The following SLC39A10 variants were observed in gnomAD, a reference collection of about 807,000 sequenced individuals.
The protein encoded by SLC39A10 is zinc transporter ZIP10.
In SLC39A10, 13 loss-of-function variants were observed where a neutral mutation model predicts 65.1. That is an observed-to-expected ratio of 0.20 (90% CI 0.13 to 0.32). The LOEUF is 0.32. Ranked by LOEUF, SLC39A10 falls within the 10% of genes least tolerant of loss-of-function variation. The pLI, the probability that SLC39A10 is intolerant of heterozygous loss-of-function variation, is 1.00. For missense variants in SLC39A10, 831 were observed against 1,018.4 expected (o/e 0.82, Z 2.50); for synonymous variants, 321 against 342.2 (o/e 0.94, Z 0.68).
intron 2 of SLC39A10, among the ~76,000 whole-genome samples, chr2:195,644,502 C>A (rs181342672): frequency 6.6e-6 from 1 of 151,812 alleles, no homozygotes; most frequent in East Asian, 1.9e-4. Context: ...CCACCACACC[C>A]GGCTAATTTT....
At position 195,713,483 on chromosome 2, in the gene SLC39A10, A is replaced by G. The variant is rs1187622944; in HGVS notation, c.1626A>G (p.Gly542=). The change falls in exon 6 of 10, where the codon GGA becomes GGG. Residue 542 remains glycine, a synonymous_variant. Transcript: ENST00000359634. ...MKQNTEESTI[G]RKLSDHKLNN... Reference sequence around the variant, plus strand: ...AGAACACAGAAGAATCAACTATTGGAAGAAAGCTTTCAGATCACAAGTTAA... The same window carrying G: ...AGAACACAGAAGAATCAACTATTGGGAGAAAGCTTTCAGATCACAAGTTAA... The G allele has an allele frequency of 1.9e-6, 3 of 1,584,518 alleles. No homozygotes were observed. Among genetic ancestry groups the G allele is most frequent in the Non-Finnish European group, 2.6e-6 (3 of 1,172,744 alleles).
At chr2:195,695,805 G>GT (rs1045007680) in intron 3 of SLC39A10, among the ~76,000 whole-genome samples, 3 of 152,010 alleles carry the variant, frequency 2.0e-5, no homozygotes, top group South Asian at 2.1e-4. Flanking sequence ...CAGTTTGTCT[G>GT]TTTTTTTGTT....
chr2:195,726,616 T>C (rs1478337033), intron 8 of SLC39A10, among the ~76,000 whole-genome samples: 1 of 152,156 alleles, frequency 6.6e-6, no homozygotes, highest in Non-Finnish European at 1.5e-5. Flanking sequence ...TTAGAAACCA[T>C]TGGTAGATAA....
chr2:195,636,288 C>T (rs1272482592), intron 2 of SLC39A10, among the ~76,000 whole-genome samples: 1 of 152,146 alleles, frequency 6.6e-6, no homozygotes, highest in African/African-American at 2.4e-5. Context: ...TTTTTTCTTA[C>T]TTTGAAAACT....
chr2:195,629,697 G>C (rs556992279), intron 2 of SLC39A10, among the ~76,000 whole-genome samples: 27 of 152,236 alleles, frequency 1.8e-4, no homozygotes, highest in African/African-American at 6.3e-4. Flanking sequence ...TTATACAAAT[G>C]ATTCAGCAAA....
intron 1 of SLC39A10, among the ~76,000 whole-genome samples, chr2:195,672,635 T>G (rs1308991163): frequency 3.3e-5 from 5 of 152,122 alleles, no homozygotes. Flanking sequence ...CATAATAGAG[T>G]ATGATGTATT....
At chr2:195,618,381 G>C (rs1159356917) in intron 2 of SLC39A10, among the ~76,000 whole-genome samples, 1 of 149,396 alleles carries the variant, frequency 6.7e-6, no homozygotes, top group East Asian at 2.1e-4. Context: ...GAGAGAAAAA[G>C]TTAACTGACA....
At chr2:195,685,875 G>A (rs1008528388) in intron 3 of SLC39A10, among the ~76,000 whole-genome samples, 5 of 152,140 alleles carry the variant, frequency 3.3e-5, no homozygotes, top group African/African-American at 1.2e-4. Flanking sequence ...GTCTATAAGC[G>A]TTCAGTTATA....
intron 2 of SLC39A10, among the ~76,000 whole-genome samples, chr2:195,648,286 G>A (rs1196145745): frequency 6.6e-6 from 1 of 152,144 alleles, no homozygotes; most frequent in Non-Finnish European, 1.5e-5. Flanking sequence ...GTGAGCTACT[G>A]AACTCGGCCC....
At chr2:195,650,322 G>A (rs1435088756) in intron 2 of SLC39A10, among the ~76,000 whole-genome samples, 2 of 151,894 alleles carry the variant, frequency 1.3e-5, no homozygotes, top group Admixed American at 1.3e-4. Context: ...TTGGTTTAGG[G>A]TGAGAAGTCT....
intron 2 of SLC39A10, among the ~76,000 whole-genome samples, chr2:195,681,617 C>T (rs530453695): frequency 6.6e-6 from 1 of 152,094 alleles, no homozygotes; most frequent in Non-Finnish European, 1.5e-5. Context: ...CAAATCCAAA[C>T]GTATTTTTAA....
At chr2:195,727,824 A>G (rs1211965211) in intron 8 of SLC39A10, among the ~76,000 whole-genome samples, 1 of 152,052 alleles carries the variant, frequency 6.6e-6, no homozygotes, top group Non-Finnish European at 1.5e-5. Context: ...TGTCACCCCC[A>G]ACAACCCTTG....
intron 1 of SLC39A10, among the ~76,000 whole-genome samples, chr2:195,660,672 G>A (rs1041936814): frequency 1.3e-5 from 2 of 152,128 alleles, no homozygotes; most frequent in African/African-American, 4.8e-5. Context: ...TCCAAATAGG[G>A]GTGAATTTTG....
At chr2:195,642,756 C>G (rs148616871) in intron 2 of SLC39A10, among the ~76,000 whole-genome samples, 160 of 152,252 alleles carry the variant, frequency 1.1e-3, no homozygotes, top group Admixed American at 2.6e-3. Context: ...TTAATAAGAG[C>G]CCCTAGGAAC....
chr2:195,685,846 A>G (rs12996633), intron 3 of SLC39A10, among the ~76,000 whole-genome samples: 69,628 of 152,078 alleles, frequency 0.46, 17,197 homozygotes, highest in Non-Finnish European at 0.57. Context: ...GATTGAATGA[A>G]TACAATTGCT....
At chr2:195,616,576 G>T (rs959016427) in intron 2 of SLC39A10, among the ~76,000 whole-genome samples, 1 of 150,218 alleles carries the variant, frequency 6.7e-6, no homozygotes, top group African/African-American at 2.5e-5. Context: ...AAGTGCTGGG[G>T]TTACAGGCAT....
At chr2:195,616,399 C>T (rs1317973735) in intron 2 of SLC39A10, among the ~76,000 whole-genome samples, 6 of 151,084 alleles carry the variant, frequency 4.0e-5, no homozygotes, top group South Asian at 2.1e-4. Flanking sequence ...CTCTGCCTCC[C>T]GGGTTCAAGT....
intron 9 of SLC39A10, 108 bp from the exon 10 acceptor site, chr2:195,734,775 C>T (rs1692535930): frequency 7.7e-6 from 8 of 1,034,550 alleles, no homozygotes; most frequent in African/African-American, 1.7e-5. Flanking sequence ...ATTATTTTGT[C>T]TGTAGTTACA....
In SLC39A10 at chr2:195,728,330, A is replaced by C. The variant is rs776330381; in HGVS notation, c.2318A>C (p.Tyr773Ser). Residue 773 changes from tyrosine to serine, a missense_variant, in exon 9 of 10, where the codon TAT (tyrosine) becomes TCT (serine). Tyr to Ser is a moderately radical substitution (Grantham distance 144). This residue lies in a region of SLC39A10 where 120 missense variants were observed against 203.9 expected (regional missense o/e 0.59). Coordinates refer to ENST00000359634, the MANE Select transcript of SLC39A10 (RefSeq NM_020342.3). The surrounding 1 kb of genome is among the most constrained non-coding windows in gnomAD (Gnocchi z 4.4). ...GCAGTCACTGCAGGCATGTTCCTCT[A>C]TGTAGCCTTGGTGGATATGGTAAGA... ...IFAVTAGMFL[Y>S]VALVDMLPEM... 6.2e-7 allele frequency: 1 copy of C among 1,613,556 alleles called. No homozygotes were observed. The highest frequency in any genetic ancestry group is 8.5e-7 in the Non-Finnish European group (1 of 1,179,660).
Sources: gnomAD v4.1 joint callset for allele counts (sites outside exome capture counted in the v4.1 genomes callset) on GRCh38, gnomAD v4.1.1 for gene constraint, gnomAD v4.1.1 regional missense constraint, Gnocchi (gnomAD v3.1) non-coding constraint, MANE v1.5 for transcripts, NCBI Gene and HGNC (gene_info 2026-07-23, HGNC 2026-07-21) for gene names.